CNTNAP5: variants seen among roughly 807,000 people sequenced by gnomAD.
CNTNAP5 encodes the protein contactin associated protein family member 5, also known as contactin-associated protein-like 5.
CNTNAP5 carries 72 observed loss-of-function variants against 150.2 expected under a neutral mutation model. The ratio of observed to expected loss-of-function variants is 0.48; its 90% CI spans 0.40 to 0.58. The LOEUF (loss-of-function observed/expected upper bound fraction) is 0.58, where lower values mean the gene tolerates loss of function less well. Ranked by LOEUF, CNTNAP5 falls within the 20% of genes least tolerant of loss-of-function variation. The pLI is 0.00. For synonymous variants in CNTNAP5, 672 were observed against 619.8 expected (o/e 1.08, Z -1.25); for missense variants, 1,636 against 1,626.2 (o/e 1.01, Z -0.10).
At chr2:124,675,988 A>G (rs1396400364) in intron 13 of CNTNAP5, among the ~76,000 whole-genome samples, 1 of 152,198 alleles carries the variant, frequency 6.6e-6, no homozygotes, top group Admixed American at 6.5e-5. Context: ...TCTGAAATAC[A>G]GATACAGGTT....
chr2:124,909,891 G>A (rs1197183505), intron 22 of CNTNAP5, among the ~76,000 whole-genome samples: 1 of 138,914 alleles, frequency 7.2e-6, no homozygotes, highest in African/African-American at 2.7e-5. Context: ...ATGTATGTAG[G>A]TCATCCAGGT....
chr2:124,277,439 A>C (rs9308649), intron 3 of CNTNAP5, among the ~76,000 whole-genome samples: 3 of 152,058 alleles, frequency 2.0e-5, no homozygotes, highest in Non-Finnish European at 4.4e-5. Context: ...TATTTTCAAA[A>C]TGGATATGAT....
chr2:124,196,843 C>G (rs1454972535), intron 1 of CNTNAP5, among the ~76,000 whole-genome samples: 1 of 152,184 alleles, frequency 6.6e-6, no homozygotes, highest in Non-Finnish European at 1.5e-5. Context: ...GTCCCCAAGC[C>G]CTGGGGACCA....
At chr2:124,868,309 C>T (rs1039633400) in intron 20 of CNTNAP5, among the ~76,000 whole-genome samples, 15 of 152,134 alleles carry the variant, frequency 9.9e-5, no homozygotes, top group African/African-American at 3.4e-4. Context: ...TCTGACACCC[C>T]TGCTCATTTC....
chr2:124,083,431 G>A (rs1682605629), intron 1 of CNTNAP5, among the ~76,000 whole-genome samples: 1 of 152,134 alleles, frequency 6.6e-6, no homozygotes, highest in East Asian at 1.9e-4. Flanking sequence ...CATGTTTAGG[G>A]TCTTTTGTAG....
intron 21 of CNTNAP5, among the ~76,000 whole-genome samples, chr2:124,902,037 G>A (rs887104122): frequency 9.2e-5 from 14 of 151,930 alleles, no homozygotes; most frequent in African/African-American, 2.7e-4. Context: ...TAACCATCTC[G>A]GTACGTGAAG....
chr2:124,450,490 T>G (rs1692940450), intron 6 of CNTNAP5, among the ~76,000 whole-genome samples: 1 of 147,638 alleles, frequency 6.8e-6, no homozygotes, highest in Non-Finnish European at 1.5e-5. Context: ...CACTAAGATG[T>G]CTGCAGTGGT....
At chr2:124,269,680 G>A (rs1278956748) in intron 3 of CNTNAP5, among the ~76,000 whole-genome samples, 1 of 152,150 alleles carries the variant, frequency 6.6e-6, no homozygotes, top group East Asian at 1.9e-4. Context: ...CTGACTATAA[G>A]AAGATAAGGC....
chr2:124,166,987 C>T (rs1014166874), intron 1 of CNTNAP5, among the ~76,000 whole-genome samples: 2 of 152,038 alleles, frequency 1.3e-5, no homozygotes, highest in Non-Finnish European at 1.5e-5. Flanking sequence ...CTTTAATGAC[C>T]TTAACTCTTG....
chr2:124,548,358 G>C (rs925969900), intron 10 of CNTNAP5, among the ~76,000 whole-genome samples: 2 of 152,160 alleles, frequency 1.3e-5, no homozygotes, highest in African/African-American at 4.8e-5. Flanking sequence ...GCGTGGCTTA[G>C]GATCTCTCTG....
At chr2:124,031,254 G>T (rs569347626) in intron 1 of CNTNAP5, among the ~76,000 whole-genome samples, 3 of 152,070 alleles carry the variant, frequency 2.0e-5, no homozygotes, top group Non-Finnish European at 4.4e-5. Flanking sequence ...AGGATGCAAA[G>T]TTCTCTGATG....
intron 1 of CNTNAP5, among the ~76,000 whole-genome samples, chr2:124,215,275 C>T (rs551837914): frequency 6.6e-6 from 1 of 152,256 alleles, no homozygotes; most frequent in African/African-American, 2.4e-5. Flanking sequence ...CAAGACGATG[C>T]ACACAATTGA....
intron 11 of CNTNAP5, among the ~76,000 whole-genome samples, chr2:124,598,729 G>T (rs1386777391): frequency 6.6e-6 from 1 of 151,932 alleles, no homozygotes; most frequent in Admixed American, 6.6e-5. Flanking sequence ...AATGGCGGGC[G>T]CCCCTCCCCC....
At chr2:124,278,489 C>G (rs1003036486) in intron 3 of CNTNAP5, among the ~76,000 whole-genome samples, 1 of 152,102 alleles carries the variant, frequency 6.6e-6, no homozygotes, top group Non-Finnish European at 1.5e-5. Flanking sequence ...CACTTTCTAT[C>G]CACAATCAAA....
chr2:124,377,782 A>G (rs1690688128), intron 3 of CNTNAP5, among the ~76,000 whole-genome samples: 1 of 151,982 alleles, frequency 6.6e-6, no homozygotes, highest in South Asian at 2.1e-4. Flanking sequence ...TGTTATGGCT[A>G]CCAGAGAATG....
At chr2:124,849,090 C>G (rs1388508293) in intron 19 of CNTNAP5, among the ~76,000 whole-genome samples, 1 of 152,026 alleles carries the variant, frequency 6.6e-6, no homozygotes, top group Non-Finnish European at 1.5e-5. Context: ...AGTTTTTCCT[C>G]CATGTTTTCT....
At chr2:124,746,492 A>C (rs1011197002) in intron 13 of CNTNAP5, among the ~76,000 whole-genome samples, 1 of 152,184 alleles carries the variant, frequency 6.6e-6, no homozygotes, top group African/African-American at 2.4e-5. Flanking sequence ...TATCAGCTTT[A>C]ACAGTGCTTT....
Position 124,230,218 on chromosome 2 carries a change from T to C in CNTNAP5, c.187+8409T>C, listed in dbSNP as rs553782067. Reference sequence around the variant, plus strand: ...TACAAATTGCTAAGGACCCTAAAGGTGTTCTGAAGTTGGTTTTCATCTTGA... The same window carrying C: ...TACAAATTGCTAAGGACCCTAAAGGCGTTCTGAAGTTGGTTTTCATCTTGA... On this transcript the variant is annotated intron_variant, in intron 2 of 23. Coordinates refer to ENST00000682447, the MANE Select transcript of CNTNAP5 (RefSeq NM_001367498.1). 5.9e-5 allele frequency among the ~76,000 whole-genome samples: 9 copies of C among 152,184 alleles called. No individual in the cohort carries two copies. In the East Asian group the frequency reaches 1.7e-3, roughly 30 times the overall value.
At chr2:124,275,256 C>G (rs1223826381) in intron 3 of CNTNAP5, among the ~76,000 whole-genome samples, 1 of 152,066 alleles carries the variant, frequency 6.6e-6, no homozygotes, top group Non-Finnish European at 1.5e-5. Context: ...CAGACCATAT[C>G]AGGGAATAAA....
Sources: allele counts gnomAD v4.1 joint callset (sites outside exome capture counted in the v4.1 genomes callset), GRCh38; gene constraint gnomAD v4.1.1; transcripts MANE v1.5; gene names NCBI Gene and HGNC (gene_info 2026-07-23, HGNC 2026-07-21).